The following SMIM12 variants were observed in gnomAD, a reference collection of about 807,000 sequenced individuals.
SMIM12 encodes UPF0767 protein C1orf212.
Under a neutral mutation model 6.3 loss-of-function variants are expected in SMIM12, and 5 were observed. That is an observed-to-expected ratio of 0.80 (90% confidence interval 0.42 to 1.68). The LOEUF is 1.68. Among genes scored for constraint, SMIM12 ranks in the 40% most tolerant of loss-of-function variants. SMIM12 has a pLI of 0.02. For synonymous variants in SMIM12, 51 were observed against 48.0 expected, an observed-to-expected ratio of 1.06 and a Z score of -0.26; for missense variants, 103 against 121.4, an observed-to-expected ratio of 0.85 and a Z score of 0.71.
Position 34,851,984 on chromosome 1 carries a change from G to A in SMIM12, c.*3715C>T, listed in dbSNP as rs138638208. Among the ~76,000 whole-genome samples the A allele has an allele frequency of 1.8e-3, 275 of 152,276 alleles. 5 individuals carry two copies. The highest frequency in any genetic ancestry group is 1.5e-3 in the Non-Finnish European group (105 of 68,024). ...GCAACCCTGACCTGTCTATACCCACGTCCACATAAACCTTGCTATCTAATG... is the reference window on the plus strand; with the variant it reads ...GCAACCCTGACCTGTCTATACCCACATCCACATAAACCTTGCTATCTAATG... On this transcript the variant is annotated 3_prime_UTR_variant, in exon 2 of 2. Coordinates refer to ENST00000521580, the MANE Select transcript of SMIM12 (RefSeq NM_138428.6).
Position 34,855,916 on chromosome 1 carries a change from G to T in SMIM12, c.62C>A (p.Ala21Asp), listed in dbSNP as rs371366501. 3 of 1,551,492 alleles carry T rather than the reference G, an allele frequency of 1.9e-6. No homozygotes were observed. The highest frequency in any genetic ancestry group is 1.7e-6 in the Non-Finnish European group (2 of 1,146,984). ...GTAACCCACAGCCCCGACCACGAAG[G>T]CAACAGGGAATGTGACATAAGGAGC... ...TYAPYVTFPVAFVVGAVGYHL... is the reference protein window; with the variant it reads ...TYAPYVTFPVDFVVGAVGYHL... The change falls in exon 2 of 2, where the codon GCC becomes GAC. Residue 21 changes from alanine (A) to aspartate (D), a missense_variant. Physicochemically the swap from Ala to Asp is moderately radical, Grantham distance 126. Coordinates refer to ENST00000521580, the MANE Select transcript of SMIM12 (RefSeq NM_138428.6).
In SMIM12 at chr1:34,853,353, T is replaced by C. The variant is rs1302375640; in HGVS notation, c.*2346A>G. ...GTAGGCTTCAAGAGGCAACAGCTTC[T>C]TATGCTTCTTCCTGCTCTCTGCTTT... On this transcript the variant is annotated 3_prime_UTR_variant, in exon 2 of 2. Coordinates refer to ENST00000521580, the MANE Select transcript of SMIM12 (RefSeq NM_138428.6). The C allele has an allele frequency of 6.6e-6, 1 of 152,294 alleles. No homozygotes were observed. The highest frequency in any genetic ancestry group is 1.5e-5 in the Non-Finnish European group (1 of 68,072). 9.4% of individuals were successfully genotyped at this position (152,294 alleles called of 1,614,324 possible).
chr1:34,850,585 C>A lies in SMIM12; in HGVS notation c.*5114G>T, dbSNP rs900259094. Reference sequence around the variant, plus strand: ...TTTTATTATTCAGACTGGCTGCCATCCCAACTAGATAAAGGAGGTTTTACT... The same window carrying A: ...TTTTATTATTCAGACTGGCTGCCATACCAACTAGATAAAGGAGGTTTTACT... On this transcript the variant is annotated 3_prime_UTR_variant, in exon 2 of 2. Transcript: ENST00000521580. 1.4e-5 allele frequency: 2 copies of A among 141,876 alleles called. No homozygotes were observed. Among genetic ancestry groups the A allele is most frequent in the African/African-American group, 4.9e-5 (2 of 40,878 alleles). 8.8% of individuals were successfully genotyped at this position (141,876 alleles called of 1,614,324 possible).
chr1:34,852,782 CG>C lies in SMIM12; in HGVS notation c.*2916del, dbSNP rs1487306743. ...AAGGTGAGTCACCACTGCCCCCTTTCGGCAGGTCTATACTTTCTGCCAGCGT... is the reference window on the plus strand; with the variant it reads ...AAGGTGAGTCACCACTGCCCCCTTTCGCAGGTCTATACTTTCTGCCAGCGT... On this transcript the variant is annotated 3_prime_UTR_variant, in exon 2 of 2. Coordinates refer to ENST00000521580, the MANE Select transcript of SMIM12 (RefSeq NM_138428.6). 1 of 152,448 alleles carries C rather than the reference CG, an allele frequency of 6.6e-6. No homozygotes were observed. Among genetic ancestry groups the C allele is most frequent in the Non-Finnish European group, 1.5e-5 (1 of 68,030 alleles). 9.4% of individuals were successfully genotyped at this position (152,448 alleles called of 1,614,324 possible).
In SMIM12 at chr1:34,854,639, T is replaced by C. The variant is rs963708100; in HGVS notation, c.*1060A>G. On this transcript the variant is annotated 3_prime_UTR_variant, in exon 2 of 2. Coordinates refer to ENST00000521580, the MANE Select transcript of SMIM12 (RefSeq NM_138428.6). ...AGTGAGAAAAGTATATAAAATTAAATGTACAGTAATGATAACTATCTCTAA... is the reference window on the plus strand; with the variant it reads ...AGTGAGAAAAGTATATAAAATTAAACGTACAGTAATGATAACTATCTCTAA... 1 of 152,478 alleles carries C rather than the reference T, an allele frequency of 6.6e-6. No homozygotes were observed. The highest frequency in any genetic ancestry group is 6.5e-5 in the Admixed American group (1 of 15,294). The allele number at this position is 152,478 out of a possible 1,614,324, so 9.4% of individuals were successfully genotyped here.
At position 34,855,871 on chromosome 1, in the gene SMIM12, C is replaced by T. The variant is rs1406387110; in HGVS notation, c.107G>A (p.Arg36Lys). Residue 36 changes from arginine (R) to lysine (K), a missense_variant, in exon 2 of 2, where the codon AGG (arginine) becomes AAG (lysine). By Grantham distance (26) the Arg-to-Lys change is conservative (BLOSUM62 2). Coordinates refer to ENST00000521580, the MANE Select transcript of SMIM12 (RefSeq NM_138428.6). ...AVGYHLEWFIRGKDPQPVEEE... is the reference protein window; with the variant it reads ...AVGYHLEWFIKGKDPQPVEEE... ...CTCCACGGGCTGGGGGTCCTTTCCC[C>T]TGATGAACCATTCCAGGTGGTAACC... 2 of 1,551,702 alleles carry T rather than the reference C, an allele frequency of 1.3e-6. No individual in the cohort carries two copies. Among genetic ancestry groups the T allele is most frequent in the Admixed American group, 2.0e-5 (1 of 50,998 alleles).
At chr1:34,858,814 CTG>C (rs1204037777) in intron 1 of SMIM12, 5 of 152,256 alleles carry the variant, frequency 3.3e-5, no homozygotes, top group Non-Finnish European at 5.9e-5. Context: ...ACCACTTACT[CTG>C]TGTCAGGCAC....
chr1:34,857,369 T>G (rs1166881287), intron 1 of SMIM12: 1 of 152,116 alleles, frequency 6.6e-6, no homozygotes, highest in Non-Finnish European at 1.5e-5. Context: ...GCCAATTCCA[T>G]CTCAAATGAT....
rs758394484 is a variant in SMIM12, at chr1:34,855,243, A to G, written c.*456T>C. The G allele has an allele frequency of 1.8e-5, 24 of 1,369,628 alleles. No individual in the cohort carries two copies. The highest frequency in any genetic ancestry group is 2.2e-5 in the Non-Finnish European group (23 of 1,023,294). 84.8% of individuals were successfully genotyped at this position (1,369,628 alleles called of 1,614,324 possible). ...CTGAGCTGACAAGACAGATTTCAGT[A>G]AGAATGAGCACAAAGGATAGGGCAA... On this transcript the variant is annotated 3_prime_UTR_variant, in exon 2 of 2. Coordinates refer to ENST00000521580, the MANE Select transcript of SMIM12 (RefSeq NM_138428.6).
Position 34,855,087 on chromosome 1 carries a change from A to G in SMIM12, c.*612T>C. 2.3e-6 allele frequency: 3 copies of G among 1,299,820 alleles called. No individual in the cohort carries two copies. Among genetic ancestry groups the G allele is most frequent in the Non-Finnish European group, 3.0e-6 (3 of 990,032 alleles). 80.5% of individuals were successfully genotyped at this position (1,299,820 alleles called of 1,614,324 possible). Reference sequence around the variant, plus strand: ...ACTTTAATCAGGTTTTTCACTATACAGTGATGGGGGTAGAAGATGGTGACT... The same window carrying G: ...ACTTTAATCAGGTTTTTCACTATACGGTGATGGGGGTAGAAGATGGTGACT... On this transcript the variant is annotated 3_prime_UTR_variant, in exon 2 of 2. Transcript: ENST00000521580.
intron 1 of SMIM12, chr1:34,858,085 C>A (rs1408553214): frequency 6.6e-6 from 1 of 151,694 alleles, no homozygotes; most frequent in Non-Finnish European, 1.5e-5. Flanking sequence ...GTTAAGGACC[C>A]CTGCAATAAG....
intron 1 of SMIM12, 21 bp from the exon 2 acceptor site, chr1:34,856,003 G>C: frequency 6.6e-7 from 1 of 1,524,230 alleles, no homozygotes; most frequent in Admixed American, 2.0e-5. Flanking sequence ...GCACAAGGCA[G>C]CATTAGAGAA....
In SMIM12 at chr1:34,852,099, T is replaced by G. The variant is rs1640947189; in HGVS notation, c.*3600A>C. Among the ~76,000 whole-genome samples the G allele has an allele frequency of 6.6e-6, 1 of 152,160 alleles. No individual in the cohort carries two copies. Among genetic ancestry groups the G allele is most frequent in the South Asian group, 2.1e-4 (1 of 4,826 alleles). On this transcript the variant is annotated 3_prime_UTR_variant, in exon 2 of 2. Transcript: ENST00000521580. ...AGCCTGTGGGAAAGAAAGATCTAGCTGAGAACACTAATAGACTTGCTAGAG... is the reference window on the plus strand; with the variant it reads ...AGCCTGTGGGAAAGAAAGATCTAGCGGAGAACACTAATAGACTTGCTAGAG...
Position 34,852,760 on chromosome 1 carries a change from G to C in SMIM12, c.*2939C>G, listed in dbSNP as rs774356178. The stretch of plus-strand genomic sequence containing the variant: ...CACTGGATGAGCAGCAGATTGGAAG[G>C]TGAGTCACCACTGCCCCCTTTCGGC... On this transcript the variant is annotated 3_prime_UTR_variant, in exon 2 of 2. Coordinates refer to ENST00000521580, the MANE Select transcript of SMIM12 (RefSeq NM_138428.6). The C allele has an allele frequency of 6.6e-6, 1 of 152,462 alleles. No individual in the cohort carries two copies. The highest frequency in any genetic ancestry group is 6.6e-5 in the Admixed American group (1 of 15,238). The allele number at this position is 152,462 out of a possible 1,614,324, so 9.4% of individuals were successfully genotyped here.
In SMIM12 at chr1:34,852,437, A is replaced by G. The variant is rs1390600511; in HGVS notation, c.*3262T>C. On this transcript the variant is annotated 3_prime_UTR_variant, in exon 2 of 2. Transcript: ENST00000521580. ...TGAGGGAAACCAATTCTGGGATCTA[A>G]TATTTGTAACAAGTTGTTAGATCGC... Among the ~76,000 whole-genome samples, 1 of 137,342 alleles carries G rather than the reference A, an allele frequency of 7.3e-6. No individual in the cohort carries two copies. Among genetic ancestry groups the G allele is most frequent in the Admixed American group, 8.0e-5 (1 of 12,442 alleles). The allele number at this position is 137,342 out of a possible 152,430, so 90.1% of individuals were successfully genotyped here.
In SMIM12 at chr1:34,854,273, A is replaced by G. The variant is rs1383372096; in HGVS notation, c.*1426T>C. ...CAGTCAGCCAAGATCACGCCACTGC[A>G]CTCCAGCCCGGGTGACAGAATGAGA... On this transcript the variant is annotated 3_prime_UTR_variant, in exon 2 of 2. Transcript: ENST00000521580. The G allele has an allele frequency of 6.6e-6, 1 of 152,208 alleles. No individual in the cohort carries two copies. The highest frequency in any genetic ancestry group is 1.5e-5 in the Non-Finnish European group (1 of 68,066). 9.4% of individuals were successfully genotyped at this position (152,208 alleles called of 1,614,324 possible).
At position 34,852,271 on chromosome 1, in the gene SMIM12, G is replaced by A. The variant is rs1484891486; in HGVS notation, c.*3428C>T. Among the ~76,000 whole-genome samples, 1 of 152,118 alleles carries A rather than the reference G, an allele frequency of 6.6e-6. No homozygotes were observed. Among genetic ancestry groups the A allele is most frequent in the Non-Finnish European group, 1.5e-5 (1 of 68,018 alleles). On this transcript the variant is annotated 3_prime_UTR_variant, in exon 2 of 2. Transcript: ENST00000521580. ...AGACACCAAGTGGAGGCCAACGGGTGGTGACAGGGATATTTTAAAAGATCT... is the reference window on the plus strand; with the variant it reads ...AGACACCAAGTGGAGGCCAACGGGTAGTGACAGGGATATTTTAAAAGATCT...
Position 34,851,891 on chromosome 1 carries a change from G to A in SMIM12, c.*3808C>T, listed in dbSNP as rs939599617. ...GTGACTGGAAGGCCAGTCAAAAAGA[G>A]GGTCACATGCCTCCAAGGTGAATCA... On this transcript the variant is annotated 3_prime_UTR_variant, in exon 2 of 2. Coordinates refer to ENST00000521580, the MANE Select transcript of SMIM12 (RefSeq NM_138428.6). 6.6e-6 allele frequency among the ~76,000 whole-genome samples: 1 copy of A among 152,212 alleles called. No homozygotes were observed. Among genetic ancestry groups the A allele is most frequent in the Non-Finnish European group, 1.5e-5 (1 of 68,044 alleles).
At position 34,853,671 on chromosome 1, in the gene SMIM12, T is replaced by TA. The variant is rs1557677606; in HGVS notation, c.*2027dup. On this transcript the variant is annotated 3_prime_UTR_variant, in exon 2 of 2. Coordinates refer to ENST00000521580, the MANE Select transcript of SMIM12 (RefSeq NM_138428.6). ...AAACTTATGTCATACTCCCACTTGA[T>TA]AGACAATTATGTTGCTATTATAAAC... 1 of 152,238 alleles carries TA rather than the reference T, an allele frequency of 6.6e-6. No homozygotes were observed. 9.4% of individuals were successfully genotyped at this position (152,238 alleles called of 1,614,324 possible).
Sources: gnomAD v4.1 joint callset for allele counts (sites outside exome capture counted in the v4.1 genomes callset) on GRCh38, gnomAD v4.1.1 for gene constraint, MANE v1.5 for transcripts, NCBI Gene and HGNC (gene_info 2026-07-23, HGNC 2026-07-21) for gene names.